The following RBFOX1 variants were observed in gnomAD, a reference collection of about 807,000 sequenced individuals.
RBFOX1 encodes RNA binding fox-1 homolog 1.
In RBFOX1, 8 loss-of-function variants were observed where a neutral mutation model predicts 57.7. The observed-to-expected ratio is 0.14, with a 90% CI of 0.08 to 0.25. The LOEUF (loss-of-function observed/expected upper bound fraction) is 0.25. RBFOX1 is among the 10% of genes least tolerant of loss of function. The pLI, the probability that RBFOX1 is intolerant of heterozygous loss-of-function variation, is 1.00. For synonymous variants in RBFOX1, 326 were observed against 222.4 expected, an observed-to-expected ratio of 1.47 and a Z score of -4.15; for missense variants, 611 against 548.5, an observed-to-expected ratio of 1.11 and a Z score of -1.14.
chr16:6,012,476 A>G (rs1272343808), intron 4 of RBFOX1, among the ~76,000 whole-genome samples: 1 of 152,190 alleles, frequency 6.6e-6, no homozygotes, highest in Non-Finnish European at 1.5e-5. Flanking sequence ...GAGTACTGGC[A>G]CTTAATGGGT....
chr16:6,657,371 T>C (rs2098666501), intron 3 of RBFOX1, among the ~76,000 whole-genome samples: 2 of 152,182 alleles, frequency 1.3e-5, no homozygotes, highest in Admixed American at 6.5e-5. Flanking sequence ...TTTCTCTTAA[T>C]TGAACAGTCA....
chr16:6,709,630 G>A (rs17141025), intron 3 of RBFOX1, among the ~76,000 whole-genome samples: 9 of 152,102 alleles, frequency 5.9e-5, no homozygotes, highest in Admixed American at 4.6e-4. Flanking sequence ...CTCCTGATTC[G>A]ATCTATGCTT....
At chr16:5,969,566 C>T (rs1377493326) in intron 4 of RBFOX1, among the ~76,000 whole-genome samples, 1 of 150,928 alleles carries the variant, frequency 6.6e-6, no homozygotes, top group African/African-American at 2.4e-5. Context: ...TCATGATCCG[C>T]CTGCCTCAAC....
At chr16:7,453,691 G>T (rs149069744) in intron 4 of RBFOX1, among the ~76,000 whole-genome samples, 1 of 152,260 alleles carries the variant, frequency 6.6e-6, no homozygotes, top group Non-Finnish European at 1.5e-5. Context: ...GGTACTGAGG[G>T]TGCCTGAGTG....
chr16:5,727,573 C>T (rs1169805569), intron 3 of RBFOX1, among the ~76,000 whole-genome samples: 1 of 152,196 alleles, frequency 6.6e-6, no homozygotes, highest in African/African-American at 2.4e-5. Flanking sequence ...TATATCCGGT[C>T]TCCAGAACTT....
intron 3 of RBFOX1, among the ~76,000 whole-genome samples, chr16:6,717,571 A>G (rs1157763181): frequency 1.3e-5 from 2 of 151,184 alleles, no homozygotes; most frequent in Non-Finnish European, 2.9e-5. Context: ...TGTGAGCCTG[A>G]GATGCTGAAG....
intron 2 of RBFOX1, among the ~76,000 whole-genome samples, chr16:6,477,513 TG>T (rs1208499017): frequency 1.3e-5 from 2 of 152,214 alleles, no homozygotes; most frequent in African/African-American, 4.8e-5. Context: ...GTGTTAATAG[TG>T]GGCTTAAAAT....
chr16:6,859,649 T>A (rs898837377), intron 3 of RBFOX1, among the ~76,000 whole-genome samples: 8 of 152,148 alleles, frequency 5.3e-5, no homozygotes, highest in Non-Finnish European at 1.2e-4. Flanking sequence ...GAACTGTGTT[T>A]GTGAGATACT....
chr16:6,127,946 G>T (rs1262281240), intron 1 of RBFOX1, among the ~76,000 whole-genome samples: 1 of 152,020 alleles, frequency 6.6e-6, no homozygotes, highest in African/African-American at 2.4e-5. Context: ...TATTCTTGGG[G>T]GTGCTAGAAA....
intron 4 of RBFOX1, among the ~76,000 whole-genome samples, chr16:7,266,235 A>G (rs2095135729): frequency 6.6e-6 from 1 of 151,898 alleles, no homozygotes; most frequent in Non-Finnish European, 1.5e-5. Context: ...TCGGCCTCCC[A>G]AAGTGCTGGG....
intron 4 of RBFOX1, among the ~76,000 whole-genome samples, chr16:7,140,571 G>A (rs1219316302): frequency 1.3e-5 from 2 of 151,964 alleles, no homozygotes; most frequent in Non-Finnish European, 2.9e-5. Context: ...GATGAATTTG[G>A]GGGCATCTTT....
intron 3 of RBFOX1, among the ~76,000 whole-genome samples, chr16:6,872,113 A>G (rs925623210): frequency 6.6e-6 from 1 of 152,140 alleles, no homozygotes; most frequent in African/African-American, 2.4e-5. Context: ...GGTACCTGTT[A>G]TGTTTTAATA....
intron 1 of RBFOX1, among the ~76,000 whole-genome samples, chr16:6,161,382 CTG>C: frequency 7.2e-6 from 1 of 138,650 alleles, no homozygotes; most frequent in African/African-American, 3.1e-5. Flanking sequence ...GAGTGAGACT[CTG>C]TCTTAAAAAA....
intron 1 of RBFOX1, among the ~76,000 whole-genome samples, chr16:5,268,649 C>T (rs2151116665): frequency 6.6e-6 from 1 of 152,306 alleles, no homozygotes; most frequent in South Asian, 2.1e-4. Context: ...CACTAGAGAC[C>T]AGTCAATGTG....
intron 10 of RBFOX1, among the ~76,000 whole-genome samples, chr16:7,629,602 T>C (rs1807870526): frequency 6.6e-6 from 1 of 152,168 alleles, no homozygotes; most frequent in Admixed American, 6.5e-5. Flanking sequence ...TTCAAAGTCT[T>C]GGAGTTTGAG....
At chr16:6,681,235 C>A (rs1163761633) in intron 3 of RBFOX1, among the ~76,000 whole-genome samples, 1 of 152,120 alleles carries the variant, frequency 6.6e-6, no homozygotes, top group African/African-American at 2.4e-5. Context: ...TCACTTAAGC[C>A]TGGAAGGCAG....
At chr16:5,790,394 G>T (rs752057350) in intron 3 of RBFOX1, among the ~76,000 whole-genome samples, 1 of 152,056 alleles carries the variant, frequency 6.6e-6, no homozygotes, top group Non-Finnish European at 1.5e-5. Flanking sequence ...GGATGGGGCC[G>T]TAGGAATGGC....
chr16:7,136,971 C>T (rs1032792594), intron 4 of RBFOX1, among the ~76,000 whole-genome samples: 2 of 152,222 alleles, frequency 1.3e-5, no homozygotes, highest in Non-Finnish European at 2.9e-5. Flanking sequence ...ACTGGATGCC[C>T]ATGCCCTGCC....
At chr16:7,449,764 T>C (rs2150161124) in intron 4 of RBFOX1, among the ~76,000 whole-genome samples, 1 of 151,984 alleles carries the variant, frequency 6.6e-6, no homozygotes, top group Middle Eastern at 3.4e-3. Context: ...GTTTTTGTTT[T>C]TGTTTTTTTC....
Sources: gnomAD v4.1 joint callset for allele counts (sites outside exome capture counted in the v4.1 genomes callset) on GRCh38, gnomAD v4.1.1 for gene constraint, MANE v1.5 for transcripts, NCBI Gene and HGNC (gene_info 2026-07-23, HGNC 2026-07-21) for gene names.